TPRG1: variants seen among roughly 807,000 people sequenced by gnomAD.
TPRG1 encodes tumor protein p63-regulated gene 1 protein.
In TPRG1, 29 loss-of-function variants were observed where a neutral mutation model predicts 29.3. That is an observed-to-expected ratio of 0.99 (90% CI 0.74 to 1.35). TPRG1 has a LOEUF of 1.35. TPRG1 is among the 40% of genes most tolerant of loss of function. The pLI, the probability that TPRG1 is intolerant of heterozygous loss-of-function variation, is 0.00. For missense variants in TPRG1, 327 were observed against 335.0 expected (o/e 0.98, Z 0.19); for synonymous variants, 130 against 116.8 (o/e 1.11, Z -0.73).
chr3:189,323,971 A>T lies in TPRG1; in HGVS notation c.*3151A>T, dbSNP rs1192418261. 1 of 152,228 alleles carries T rather than the reference A, an allele frequency of 6.6e-6. No homozygotes were observed. The highest frequency in any genetic ancestry group is 2.4e-5 in the African/African-American group (1 of 41,554). The allele number at this position is 152,228 out of a possible 1,614,324, so 9.4% of individuals were successfully genotyped here. ...TCGTAGGCAGTTCTGAGGGTGAGAA[A>T]GTTCAAAGCAGATAGATGTTTTAAC... On this transcript the variant is annotated 3_prime_UTR_variant, in exon 6 of 6. Transcript: ENST00000345063.
intron 3 of TPRG1, among the ~76,000 whole-genome samples, chr3:189,231,413 A>G (rs1578941659): frequency 6.6e-6 from 1 of 151,970 alleles, no homozygotes; most frequent in Admixed American, 6.6e-5. Flanking sequence ...GATTTACTTC[A>G]CTCACCCCCT....
chr3:189,216,116 G>A (rs1255623863), intron 3 of TPRG1, among the ~76,000 whole-genome samples: 1 of 152,024 alleles, frequency 6.6e-6, no homozygotes, highest in African/African-American at 2.4e-5. Flanking sequence ...TATAATAAGA[G>A]AAAAGGCAAT....
At chr3:189,237,500 G>A (rs917647046) in intron 3 of TPRG1, among the ~76,000 whole-genome samples, 11 of 152,100 alleles carry the variant, frequency 7.2e-5, no homozygotes, top group Admixed American at 7.2e-4. Context: ...TGTCTGCTTT[G>A]AGAAAATACA....
chr3:189,068,258 C>T (rs1211561285), intron 4 of TPRG1, among the ~76,000 whole-genome samples: 3 of 152,090 alleles, frequency 2.0e-5, no homozygotes, highest in Admixed American at 6.5e-5. Flanking sequence ...TATGGTGGTT[C>T]CTCAGAAAAC....
intron 2 of TPRG1, among the ~76,000 whole-genome samples, chr3:189,209,455 T>A (rs912398889): frequency 6.6e-6 from 1 of 152,212 alleles, no homozygotes; most frequent in African/African-American, 2.4e-5. Context: ...CCAAATCCAC[T>A]ACACATGATG....
At chr3:189,272,677 T>TC (rs1162580939) in intron 4 of TPRG1, among the ~76,000 whole-genome samples, 5 of 143,448 alleles carry the variant, frequency 3.5e-5, no homozygotes, top group African/African-American at 1.1e-4. Context: ...TTCCTTCCTT[T>TC]CTTTCCTTTC....
chr3:189,216,972 C>T (rs560765108), intron 3 of TPRG1, among the ~76,000 whole-genome samples: 7 of 152,172 alleles, frequency 4.6e-5, no homozygotes, highest in South Asian at 2.1e-4. Flanking sequence ...TACACAAATG[C>T]GGTATTTCTA....
At chr3:189,107,306 A>G (rs1308455951) in intron 1 of TPRG1, among the ~76,000 whole-genome samples, 1 of 152,194 alleles carries the variant, frequency 6.6e-6, no homozygotes. Flanking sequence ...TTAAAGGCAG[A>G]AAACAGTTTT....
chr3:189,158,727 G>A (rs1270589299), intron 5 of TPRG1, among the ~76,000 whole-genome samples: 1 of 152,086 alleles, frequency 6.6e-6, no homozygotes, highest in Non-Finnish European at 1.5e-5. Context: ...ACCATCCCCA[G>A]CCCATCTCGT....
chr3:189,086,019 A>G (rs1244910082), intron 4 of TPRG1, among the ~76,000 whole-genome samples: 2 of 152,204 alleles, frequency 1.3e-5, no homozygotes, highest in African/African-American at 4.8e-5. Context: ...ACAATAGGCC[A>G]TCTGCAAGCT....
intron 4 of TPRG1, among the ~76,000 whole-genome samples, chr3:189,251,549 T>C (rs377382893): frequency 1.8e-4 from 27 of 152,084 alleles, no homozygotes; most frequent in African/African-American, 5.1e-4. Context: ...TATTTATTGA[T>C]CATTTTTGGG....
chr3:189,145,561 A>G (rs908649022), intron 3 of TPRG1, among the ~76,000 whole-genome samples: 22 of 152,288 alleles, frequency 1.4e-4, no homozygotes, highest in African/African-American at 4.6e-4. Context: ...TCCATCACCT[A>G]TAAGGTAGCA....
chr3:189,211,770 C>T lies in TPRG1; in HGVS notation c.211-3522C>T, dbSNP rs1473486809. ...GGCCACGCAAGAACTAGAAGACAGGCCTGGAACCCAGGACCCTCGATGCTT... is the reference window on the plus strand; with the variant it reads ...GGCCACGCAAGAACTAGAAGACAGGTCTGGAACCCAGGACCCTCGATGCTT... On this transcript the variant is annotated intron_variant, in intron 2 of 5. Transcript: ENST00000345063. The T allele has an allele frequency of 3.3e-5, 5 of 152,284 alleles. No individual in the cohort carries two copies. The South Asian group carries it at 8.3e-4, about 25-fold the overall frequency. 9.4% of individuals were successfully genotyped at this position (152,284 alleles called of 1,614,324 possible).
At chr3:189,044,592 A>T (rs1714848599) in intron 4 of TPRG1, among the ~76,000 whole-genome samples, 1 of 151,778 alleles carries the variant, frequency 6.6e-6, no homozygotes, top group Admixed American at 6.6e-5. Flanking sequence ...TTTGAAGGAC[A>T]GTTCTGTATT....
At chr3:189,160,557 T>C (rs905717806) in intron 5 of TPRG1, among the ~76,000 whole-genome samples, 4 of 152,214 alleles carry the variant, frequency 2.6e-5, no homozygotes, top group Non-Finnish European at 5.9e-5. Context: ...ATGTTTACCT[T>C]GAGCTGAGAA....
intron 4 of TPRG1, among the ~76,000 whole-genome samples, chr3:189,251,334 T>A (rs947812551): frequency 1.3e-5 from 2 of 152,308 alleles, no homozygotes; most frequent in African/African-American, 2.4e-5. Context: ...AAGTAAAGGC[T>A]GTGGATGATT....
At chr3:189,184,759 T>C (rs974147699) in intron 1 of TPRG1, among the ~76,000 whole-genome samples, 13 of 152,210 alleles carry the variant, frequency 8.5e-5, no homozygotes, top group African/African-American at 2.9e-4. Context: ...TCTATGTTCT[T>C]CTTATTCCTC....
At chr3:189,143,564 AG>A (rs1002991130) in intron 3 of TPRG1, among the ~76,000 whole-genome samples, 6 of 152,158 alleles carry the variant, frequency 3.9e-5, no homozygotes, top group African/African-American at 1.4e-4. Flanking sequence ...CTCAACCTGG[AG>A]GGGGCCAACA....
chr3:189,232,548 T>C (rs750369286), intron 3 of TPRG1, among the ~76,000 whole-genome samples: 23 of 152,124 alleles, frequency 1.5e-4, no homozygotes, highest in Non-Finnish European at 2.9e-4. Flanking sequence ...CCTTACATAT[T>C]CCCCCTCACA....
Sources: gnomAD v4.1 joint callset for allele counts (sites outside exome capture counted in the v4.1 genomes callset) on GRCh38, gnomAD v4.1.1 for gene constraint, MANE v1.5 for transcripts, NCBI Gene and HGNC (gene_info 2026-07-23, HGNC 2026-07-21) for gene names.